The following EPB41L4A variants were observed in gnomAD, a reference collection of about 807,000 sequenced individuals.
EPB41L4A encodes band 4.1-like protein 4A.
In EPB41L4A, 100 loss-of-function variants were observed where a neutral mutation model predicts 108.6. The ratio of observed to expected loss-of-function variants is 0.92; its 90% CI spans 0.78 to 1.09. EPB41L4A has a LOEUF of 1.09. EPB41L4A is among the 50% of genes least tolerant of loss of function. The probability of loss-of-function intolerance (pLI) is 0.00; values close to 1 mark genes in which losing one functional copy is unlikely to be tolerated. For missense variants in EPB41L4A, 1,030 were observed against 842.7 expected, an observed-to-expected ratio of 1.22 and a Z score of -2.75; for synonymous variants, 319 against 289.0, an observed-to-expected ratio of 1.10 and a Z score of -1.05.
chr5:112,240,881 C>T, intron 9 of EPB41L4A, 71 bp from the exon 10 acceptor site: 1 of 865,092 alleles, frequency 1.2e-6, no homozygotes, highest in African/African-American at 1.8e-5. Context: ...AAATAACAGC[C>T]CCCTTTAAGT....
chr5:112,170,538 TA>T (rs1760516349), intron 19 of EPB41L4A, among the ~76,000 whole-genome samples, 169 bp from the exon 20 acceptor site: 1 of 152,066 alleles, frequency 6.6e-6, no homozygotes, highest in African/African-American at 2.4e-5. Context: ...ATAGGAGGGG[TA>T]AAACCTTTTC....
intron 17 of EPB41L4A, among the ~76,000 whole-genome samples, chr5:112,187,797 C>G (rs1015517871): frequency 6.6e-6 from 1 of 152,144 alleles, no homozygotes; most frequent in Admixed American, 6.5e-5. Flanking sequence ...AAACACCATG[C>G]TTAATGCTGA....
At chr5:112,261,642 G>C (rs924090701) in intron 7 of EPB41L4A, among the ~76,000 whole-genome samples, 12 of 152,110 alleles carry the variant, frequency 7.9e-5, no homozygotes, top group African/African-American at 2.9e-4. Flanking sequence ...ATTGCTCACT[G>C]ATGACTATTC....
chr5:112,388,494 T>C lies in EPB41L4A; in HGVS notation c.99+30447A>G, dbSNP rs1721491464. ...AATTAGAATTTATAGTTGGTCACTTTCATAGCTCCCACAGGTGACTGTAAT... is the reference window on the plus strand; with the variant it reads ...AATTAGAATTTATAGTTGGTCACTTCCATAGCTCCCACAGGTGACTGTAAT... On this transcript the variant is annotated intron_variant, in intron 1 of 22. Transcript: ENST00000261486. Among the ~76,000 whole-genome samples the C allele has an allele frequency of 3.3e-5, 5 of 152,176 alleles. No homozygotes were observed. The South Asian group carries it at 1.0e-3, about 32-fold the overall frequency.
downstream of EPB41L4A, among the ~76,000 whole-genome samples, chr5:112,158,234 A>G (rs1488890070): frequency 2.0e-5 from 3 of 152,250 alleles, no homozygotes; most frequent in East Asian, 1.9e-4. Flanking sequence ...TAAGAACTCA[A>G]TACAAGAAGG....
intron 12 of EPB41L4A, among the ~76,000 whole-genome samples, chr5:112,218,804 G>A (rs763164222): frequency 1.3e-4 from 20 of 152,008 alleles, no homozygotes; most frequent in Non-Finnish European, 1.9e-4. Context: ...TTTATTTTAC[G>A]CAAGCACTCA....
intron 12 of EPB41L4A, among the ~76,000 whole-genome samples, chr5:112,219,298 G>T (rs34484210): frequency 0.14 from 21,275 of 152,040 alleles, 2,550 homozygotes; most frequent in African/African-American, 0.32. Flanking sequence ...TCTCACAAGA[G>T]CTGATGGTTT....
At chr5:112,264,388 G>C (rs1325092501) in intron 6 of EPB41L4A, 1 of 152,694 alleles carries the variant, frequency 6.5e-6, no homozygotes, top group Non-Finnish European at 1.5e-5. Flanking sequence ...GCCTGAATAG[G>C]ACTTGGCTTA....
At chr5:112,168,851 T>G in intron 21 of EPB41L4A, 31 bp from the exon 22 acceptor site, 1 of 1,573,752 alleles carries the variant, frequency 6.4e-7, no homozygotes, top group Non-Finnish European at 8.7e-7. Flanking sequence ...AATTAGTGAC[T>G]GGAACAGTAT....
intron 16 of EPB41L4A, among the ~76,000 whole-genome samples, chr5:112,195,054 C>T (rs1352287972): frequency 1.3e-5 from 2 of 152,156 alleles, no homozygotes; most frequent in East Asian, 3.8e-4. Flanking sequence ...TGAATTTACA[C>T]TGGTCTTGTG....
In EPB41L4A at chr5:112,290,440, T is replaced by A. The variant is rs79884009; in HGVS notation, c.205-10117A>T. Among the ~76,000 whole-genome samples the A allele has an allele frequency of 6.0e-3, 907 of 152,330 alleles. 7 individuals are homozygous for A. The highest frequency in any genetic ancestry group is 0.021 in the African/African-American group (862 of 41,574). On this transcript the variant is annotated intron_variant, in intron 2 of 22. Transcript: ENST00000261486. ...CCAGGGCACATAATAACCAATGTGT[T>A]CAGATTTCTTCCTAAAATGAAAATA...
At chr5:112,382,967 A>G (rs1199947148) in intron 1 of EPB41L4A, among the ~76,000 whole-genome samples, 2 of 152,210 alleles carry the variant, frequency 1.3e-5, no homozygotes, top group African/African-American at 4.8e-5. Context: ...TTCGGAGCAA[A>G]CAAGTTGTAA....
chr5:112,397,893 TA>T (rs1761467834), intron 1 of EPB41L4A, among the ~76,000 whole-genome samples: 1 of 152,192 alleles, frequency 6.6e-6, no homozygotes, highest in Non-Finnish European at 1.5e-5. Context: ...CTCAAAAAGC[TA>T]ACCATTAACC....
chr5:112,350,817 G>A (rs1757995202), intron 1 of EPB41L4A, among the ~76,000 whole-genome samples: 1 of 152,112 alleles, frequency 6.6e-6, no homozygotes, highest in Non-Finnish European at 1.5e-5. Flanking sequence ...CTTTTTTATA[G>A]CTGAATAGTA....
At chr5:112,177,663 A>C (rs1760937094) in intron 18 of EPB41L4A, among the ~76,000 whole-genome samples, 1 of 152,218 alleles carries the variant, frequency 6.6e-6, no homozygotes, top group South Asian at 2.1e-4. Context: ...GGCAAAAATA[A>C]AATATATGAC....
rs77814249 is a variant in EPB41L4A, at chr5:112,206,260, C to G, written c.1179-756G>C. Among the ~76,000 whole-genome samples, 862 of 152,068 alleles carry G rather than the reference C, an allele frequency of 5.7e-3. 11 individuals carry two copies. The highest frequency in any genetic ancestry group is 0.02 in the African/African-American group (826 of 41,456). ...ATTTAACTCCAAATCCACTTTTAAC[C>G]CTGGCTTTTTGAGGAATCCTCTGTA... On this transcript the variant is annotated intron_variant, in intron 13 of 22. Coordinates refer to ENST00000261486, the MANE Select transcript of EPB41L4A (RefSeq NM_022140.5).
At position 112,275,414 on chromosome 5, in the gene EPB41L4A, G is replaced by T; in HGVS notation, c.257-10C>A. On this transcript the variant is annotated splice_polypyrimidine_tract_variant and intron_variant, in intron 3 of 22. Transcript: ENST00000261486. ...GTATATGGAGGTCCAGCTAAAATAA[G>T]AAATAGAAATTAAATTTCACTAAAA... 1 of 1,524,142 alleles carries T rather than the reference G, an allele frequency of 6.6e-7. No individual in the cohort carries two copies. Among genetic ancestry groups the T allele is most frequent in the Non-Finnish European group, 8.8e-7 (1 of 1,130,438 alleles). 94.4% of individuals were successfully genotyped at this position (1,524,142 alleles called of 1,614,324 possible).
chr5:112,345,780 TACACAC>T (rs60638685), intron 1 of EPB41L4A, among the ~76,000 whole-genome samples: 4,552 of 74,430 alleles, frequency 0.061, 140 homozygotes, highest in Admixed American at 0.13. Flanking sequence ...TATATATATA[TACACAC>T]ACACACACAC....
At chr5:112,315,379 C>T (rs1393982860) in intron 1 of EPB41L4A, among the ~76,000 whole-genome samples, 1 of 152,196 alleles carries the variant, frequency 6.6e-6, no homozygotes, top group East Asian at 1.9e-4. Context: ...TCTATGCAGT[C>T]CAATAACTTA....
Sources: allele counts gnomAD v4.1 joint callset (sites outside exome capture counted in the v4.1 genomes callset), GRCh38; gene constraint gnomAD v4.1.1; transcripts MANE v1.5; gene names NCBI Gene and HGNC (gene_info 2026-07-23, HGNC 2026-07-21).